The following CHD7 variants were observed in gnomAD, a reference collection of about 807,000 sequenced individuals.
CHD7 encodes the protein chromodomain helicase DNA binding protein 7.
A neutral mutation model predicts 307.3 loss-of-function variants in CHD7; 24 were observed. The ratio of observed to expected loss-of-function variants is 0.08; its 90% CI spans 0.06 to 0.11. The LOEUF (loss-of-function observed/expected upper bound fraction) is 0.11. CHD7 is among the 10% of genes least tolerant of loss of function. CHD7 has a pLI of 1.00. For synonymous variants in CHD7, 1,363 were observed against 1,349.9 expected, an observed-to-expected ratio of 1.01 and a Z score of -0.21; for missense variants, 3,106 against 3,727.1, an observed-to-expected ratio of 0.83 and a Z score of 4.34.
rs771331784 is a variant in CHD7, at chr8:60,822,777, TTACTCTG to T, written c.3201+33_3201+39del. The T allele has an allele frequency of 5.2e-6, 8 of 1,545,036 alleles. No homozygotes were observed. The Admixed American group carries it at 5.5e-5, about 11-fold the overall frequency. ...CCTTCACAGGTTGTATTCTTTGTACTTACTCTGTGCATTTTAAGGTGTTAAAAAAAAA... is the reference window on the plus strand; with the variant it reads ...CCTTCACAGGTTGTATTCTTTGTACTTGCATTTTAAGGTGTTAAAAAAAAA... On this transcript the variant is annotated intron_variant, in intron 12 of 37. Transcript: ENST00000423902.
intron 1 of CHD7, among the ~76,000 whole-genome samples, chr8:60,695,686 A>G (rs1806432162): frequency 6.6e-6 from 1 of 152,266 alleles, no homozygotes; most frequent in Admixed American, 6.5e-5. Flanking sequence ...GCAGTCAAGG[A>G]TATAAGCAGG....
intron 13 of CHD7, among the ~76,000 whole-genome samples, chr8:60,827,962 A>C (rs1461097650): frequency 6.6e-6 from 1 of 152,148 alleles, no homozygotes. Context: ...AAGACTGGCC[A>C]TTGTAAAACA....
At chr8:60,799,359 G>A (rs1473994188) in intron 4 of CHD7, among the ~76,000 whole-genome samples, 1 of 152,198 alleles carries the variant, frequency 6.6e-6, no homozygotes, top group Non-Finnish European at 1.5e-5. Context: ...TTTGACCACA[G>A]GATTGTGAGA....
chr8:60,816,343 A>G (rs756744800), intron 7 of CHD7, 44 bp from the exon 8 acceptor site: 37 of 1,032,346 alleles, frequency 3.6e-5, no homozygotes, highest in Non-Finnish European at 7.2e-6. Context: ...ATAAAGGATT[A>G]ATTATATTCT....
At chr8:60,754,000 T>G (rs922068456) in intron 2 of CHD7, among the ~76,000 whole-genome samples, 1 of 152,204 alleles carries the variant, frequency 6.6e-6, no homozygotes, top group African/African-American at 2.4e-5. Flanking sequence ...TATTTCATAC[T>G]GAATATAAAT....
intron 6 of CHD7, among the ~76,000 whole-genome samples, chr8:60,804,771 C>G (rs1812465793): frequency 6.6e-6 from 1 of 152,190 alleles, no homozygotes; most frequent in South Asian, 2.1e-4. Context: ...GGCCTAGACT[C>G]TGGGTGGCTA....
In CHD7 at chr8:60,741,284, A is replaced by C; in HGVS notation, c.-149A>C. The C allele has an allele frequency of 3.4e-5, 22 of 638,126 alleles. No individual in the cohort carries two copies. The highest frequency in any genetic ancestry group is 5.5e-5 in the Non-Finnish European group (20 of 366,724). The allele number at this position is 638,126 out of a possible 1,614,324, so 39.5% of individuals were successfully genotyped here. On this transcript the variant is annotated 5_prime_UTR_variant, in exon 2 of 38. Coordinates refer to ENST00000423902, the MANE Select transcript of CHD7 (RefSeq NM_017780.4). ...GACCTATATCCAGACTTTGCCTGAC[A>C]CTGCAGGGTCCAAGAGAATTAAAGA...
At chr8:60,816,522 T>C (rs748110612) in intron 8 of CHD7, 21 bp downstream of exon 8, 136 of 1,322,770 alleles carry the variant, frequency 1.0e-4, no homozygotes, top group Non-Finnish European at 1.3e-4. Flanking sequence ...CCTGCTTACT[T>C]TTCCAAAGTA....
chr8:60,842,406 AAGCTTT>A, intron 21 of CHD7, among the ~76,000 whole-genome samples: 1 of 152,240 alleles, frequency 6.6e-6, no homozygotes. Context: ...TGACTGTCGT[AAGCTTT>A]TAATATTTCT....
In CHD7 at chr8:60,865,971, A is replaced by G; in HGVS notation, c.*38A>G. ...CCAGTTCAAGTGTTTAAAACTTTTG[A>G]CAAGTGGTAGTCCTACTGTTTACAC... On this transcript the variant is annotated 3_prime_UTR_variant, in exon 38 of 38. Coordinates refer to ENST00000423902, the MANE Select transcript of CHD7 (RefSeq NM_017780.4). The surrounding 1 kb of genome is among the most constrained non-coding windows in gnomAD (Gnocchi z 4.3). The G allele has an allele frequency of 3.3e-6, 5 of 1,525,332 alleles. No homozygotes were observed. The highest frequency in any genetic ancestry group is 4.5e-6 in the Non-Finnish European group (5 of 1,119,670). 94.5% of individuals were successfully genotyped at this position (1,525,332 alleles called of 1,614,324 possible).
At chr8:60,696,260 G>A (rs773360944) in intron 1 of CHD7, among the ~76,000 whole-genome samples, 14 of 152,184 alleles carry the variant, frequency 9.2e-5, no homozygotes, top group Admixed American at 2.6e-4. Context: ...CATAAGAAAA[G>A]ACTAGGGGAA....
Position 60,851,996 on chromosome 8 carries a change from A to G in CHD7, c.5666-23A>G, listed in dbSNP as rs777077343. 11 of 1,552,756 alleles carry G rather than the reference A, an allele frequency of 7.1e-6. No individual in the cohort carries two copies. The South Asian group carries it at 9.2e-5, about 13-fold the overall frequency. On this transcript the variant is annotated intron_variant, in intron 28 of 37. Transcript: ENST00000423902. The stretch of plus-strand genomic sequence containing the variant: ...TGCAAGATTGCAGCTACACATTTCA[A>G]AAATGTTTTTCCACTTCCCCAGGCA...
rs760971730 is a variant in CHD7, at chr8:60,781,135, A to G, written c.1801A>G (p.Lys601Glu). 1 of 1,610,366 alleles carries G rather than the reference A, an allele frequency of 6.2e-7. No individual in the cohort carries two copies. Among genetic ancestry groups the G allele is most frequent in the Admixed American group, 1.7e-5 (1 of 59,436 alleles). ...GCAGCCACAACAAAAGAAGAAGAAAAAGAAAAACAACCACATTGTAGCAGA... is the reference window on the plus strand; with the variant it reads ...GCAGCCACAACAAAAGAAGAAGAAAGAGAAAAACAACCACATTGTAGCAGA... ...EQQPQQKKKK[K>E]KNNHIVAEDP... Residue 601 changes from lysine to glutamate, a missense_variant, in exon 3 of 38, where the codon AAG (lysine) becomes GAG (glutamate). Coordinates refer to ENST00000423902, the MANE Select transcript of CHD7 (RefSeq NM_017780.4).
At chr8:60,833,449 G>A (rs930975052) in intron 15 of CHD7, among the ~76,000 whole-genome samples, 4 of 151,936 alleles carry the variant, frequency 2.6e-5, no homozygotes, top group African/African-American at 9.7e-5. Context: ...AGGAAGAGTG[G>A]GCAAAAAGAA....
At chr8:60,749,098 C>T (rs554624574) in intron 2 of CHD7, among the ~76,000 whole-genome samples, 1 of 151,622 alleles carries the variant, frequency 6.6e-6, no homozygotes, top group South Asian at 2.1e-4. Context: ...CAAGGCCGGG[C>T]GTGGTGGCTC....
At position 60,741,712 on chromosome 8, in the gene CHD7, C is replaced by A; in HGVS notation, c.280C>A (p.Pro94Thr). 1 of 1,613,944 alleles carries A rather than the reference C, an allele frequency of 6.2e-7. No homozygotes were observed. Among genetic ancestry groups the A allele is most frequent in the Non-Finnish European group, 8.5e-7 (1 of 1,179,860 alleles). ...DQPNRMMSNT[P>T]GNGLASPHSQ... is the part of the protein sequence containing the mutation. The stretch of plus-strand genomic sequence containing the variant: ...GCCGAACAGAATGATGAGCAACACC[C>A]CTGGGAACGGACTCGCGTCTCCGCA... The change falls in exon 2 of 38, where the codon CCT becomes ACT. Residue 94 changes from proline (P) to threonine (T), a missense_variant. By Grantham distance (38) the Pro-to-Thr change is conservative. Around this residue, in one of 10 missense-constraint regions of CHD7, gnomAD observed 998 missense variants for 1,004.5 expected, o/e 0.99. Transcript: ENST00000423902.
chr8:60,754,094 T>C (rs562428432), intron 2 of CHD7, among the ~76,000 whole-genome samples: 4 of 152,330 alleles, frequency 2.6e-5, no homozygotes, highest in African/African-American at 9.6e-5. Context: ...TTTTTAAGCC[T>C]CTCACCCCTC....
In CHD7 at chr8:60,851,115, G is replaced by A. The variant is rs369304706; in HGVS notation, c.5607+11G>A. The A allele has an allele frequency of 5.0e-4, 770 of 1,553,958 alleles. 1 individual carries two copies. The highest frequency in any genetic ancestry group is 6.4e-4 in the Non-Finnish European group (728 of 1,145,818). ...AAAGATGAAATAGATGTATGAACTT[G>A]AGTATATTGGCTTTTATAGCTCCAT... On this transcript the variant is annotated intron_variant, in intron 27 of 37. Transcript: ENST00000423902.
intron 1 of CHD7, among the ~76,000 whole-genome samples, chr8:60,723,674 A>G (rs1586217969): frequency 6.6e-6 from 1 of 152,252 alleles, no homozygotes; most frequent in African/African-American, 2.4e-5. Flanking sequence ...CACCACATTC[A>G]GTGATAACGC....
Sources: gnomAD v4.1 joint callset for allele counts (sites outside exome capture counted in the v4.1 genomes callset) on GRCh38, gnomAD v4.1.1 for gene constraint, gnomAD v4.1.1 regional missense constraint, Gnocchi (gnomAD v3.1) non-coding constraint, MANE v1.5 for transcripts, NCBI Gene and HGNC (gene_info 2026-07-23, HGNC 2026-07-21) for gene names.